The following MMRN1 variants were observed in gnomAD, a reference collection of about 807,000 sequenced individuals.
MMRN1 encodes multimerin-1.
A neutral mutation model predicts 100.7 loss-of-function variants in MMRN1; 94 were observed. The ratio of observed to expected loss-of-function variants is 0.93; its 90% CI spans 0.79 to 1.11. The LOEUF (loss-of-function observed/expected upper bound fraction) is 1.11, where lower values mean the gene tolerates loss of function less well. Among genes scored for constraint, MMRN1 ranks in the 50% least tolerant of loss-of-function variants. The pLI, the probability that MMRN1 is intolerant of heterozygous loss-of-function variation, is 0.00. For synonymous variants in MMRN1, 575 were observed against 505.0 expected, an observed-to-expected ratio of 1.14 and a Z score of -1.86; for missense variants, 1,606 against 1,439.1, an observed-to-expected ratio of 1.12 and a Z score of -1.88.
rs564711665 is a variant in MMRN1, at chr4:89,908,160, T to G, written c.624-1116T>G. ...GGAATCCATCCTTCTGTGATGCAGT[T>G]TGAAAATTGTTCCCAGGCACAAAAC... On this transcript the variant is annotated intron_variant, in intron 1 of 7. Coordinates refer to ENST00000264790, the MANE Select transcript of MMRN1 (RefSeq NM_007351.3). Among the ~76,000 whole-genome samples the G allele has an allele frequency of 4.8e-4, 73 of 151,470 alleles. 1 individual carries two copies. In the South Asian group the frequency reaches 0.015, roughly 31 times the overall value.
intron 1 of MMRN1, among the ~76,000 whole-genome samples, chr4:89,907,813 T>G (rs1161159250): frequency 2.0e-5 from 3 of 147,388 alleles, no homozygotes; most frequent in Admixed American, 1.4e-4. Flanking sequence ...AACTTCTATG[T>G]CATGCCTGTT....
chr4:89,919,829 T>C (rs1022334384), intron 3 of MMRN1, among the ~76,000 whole-genome samples: 13 of 152,154 alleles, frequency 8.5e-5, no homozygotes, highest in Non-Finnish European at 1.8e-4. Context: ...TTCTGGACCA[T>C]AATTATCAAA....
intron 1 of MMRN1, among the ~76,000 whole-genome samples, chr4:89,900,416 TCTTCCACTTGCAC>T (rs1017693215): frequency 2.0e-4 from 30 of 152,234 alleles, no homozygotes; most frequent in African/African-American, 7.2e-4. Flanking sequence ...GAAGGACTCC[TCTTCCACTTGCAC>T]CTCCAGCTTT....
At chr4:89,950,991 A>G (rs190908043) in intron 6 of MMRN1, among the ~76,000 whole-genome samples, 2 of 152,154 alleles carry the variant, frequency 1.3e-5, no homozygotes, top group Admixed American at 6.5e-5. Context: ...GGTGGTTTTC[A>G]ATGCAAATGA....
At chr4:89,881,432 T>C (rs990874022) in intron 1 of MMRN1, among the ~76,000 whole-genome samples, 4 of 152,102 alleles carry the variant, frequency 2.6e-5, no homozygotes, top group Admixed American at 6.6e-5. Context: ...GAATGTTGTA[T>C]GTACTTGTTT....
intron 1 of MMRN1, among the ~76,000 whole-genome samples, chr4:89,887,119 C>T (rs750974641): frequency 1.3e-4 from 20 of 152,050 alleles, no homozygotes; most frequent in Non-Finnish European, 2.9e-4. Flanking sequence ...TTTTTGAAGC[C>T]TTTGTCAAAA....
rs944405285 is a variant in MMRN1, at chr4:89,935,044, A to G, written c.1364A>G (p.Asp455Gly). ...CAAGAGAATCGGCCCACTTTGACTG[A>G]TATAGTGGAACTAAGGAATCACATT... ...LVQENRPTLTDIVELRNHIVN... is the reference protein window; with the variant it reads ...LVQENRPTLTGIVELRNHIVN... Residue 455 changes from aspartate (D) to glycine (G), a missense_variant, in exon 6 of 8, where the codon GAT becomes GGT. By Grantham distance (94) the Asp-to-Gly change is moderately conservative (BLOSUM62 -1). Coordinates refer to ENST00000264790, the MANE Select transcript of MMRN1 (RefSeq NM_007351.3). 6.2e-7 allele frequency: 1 copy of G among 1,613,680 alleles called. No individual in the cohort carries two copies. Among genetic ancestry groups the G allele is most frequent in the South Asian group, 1.1e-5 (1 of 91,022 alleles).
intron 1 of MMRN1, among the ~76,000 whole-genome samples, chr4:89,904,556 T>G (rs1721498981): frequency 6.6e-6 from 1 of 151,788 alleles, no homozygotes; most frequent in African/African-American, 2.4e-5. Flanking sequence ...TTTTGTGTCT[T>G]GTTTATTTCA....
chr4:89,907,769 GTTAA>G (rs1484632111), intron 1 of MMRN1, among the ~76,000 whole-genome samples: 2 of 148,322 alleles, frequency 1.3e-5, no homozygotes, highest in Non-Finnish European at 3.0e-5. Context: ...CTATTTAATG[GTTAA>G]TTGTTTTAAA....
intron 7 of MMRN1, 126 bp downstream of exon 7, chr4:89,951,877 T>C: frequency 9.2e-7 from 1 of 1,089,236 alleles, no homozygotes; most frequent in Non-Finnish European, 1.3e-6. Context: ...TCCTTTTACT[T>C]TTTCGAAACT....
chr4:89,899,447 A>G (rs904005541), intron 1 of MMRN1, among the ~76,000 whole-genome samples: 1 of 152,166 alleles, frequency 6.6e-6, no homozygotes, highest in African/African-American at 2.4e-5. Context: ...GTCCTGCCTT[A>G]TGGAACCAAC....
chr4:89,903,907 A>AAC (rs1721471723), intron 1 of MMRN1, among the ~76,000 whole-genome samples: 1 of 150,698 alleles, frequency 6.6e-6, no homozygotes, highest in Non-Finnish European at 1.5e-5. Flanking sequence ...GAAAAAAAAA[A>AAC]AAAAAACTCT....
chr4:89,905,668 T>C (rs982296174), intron 1 of MMRN1, among the ~76,000 whole-genome samples: 5 of 151,516 alleles, frequency 3.3e-5, no homozygotes, highest in African/African-American at 9.7e-5. Flanking sequence ...GTTTTCCTCT[T>C]GTTCCCTTTT....
At chr4:89,916,740 TAA>T (rs1017678180) in intron 3 of MMRN1, among the ~76,000 whole-genome samples, 1 of 151,686 alleles carries the variant, frequency 6.6e-6, no homozygotes, top group African/African-American at 2.4e-5. Flanking sequence ...TCACTGATTT[TAA>T]AGTTTTTTCT....
chr4:89,944,192 A>T (rs1386875297), intron 6 of MMRN1, among the ~76,000 whole-genome samples: 3 of 152,006 alleles, frequency 2.0e-5, no homozygotes, highest in African/African-American at 7.2e-5. Flanking sequence ...GTACATTTTA[A>T]TTTTTTTCTC....
chr4:89,903,741 T>C (rs1232203484), intron 1 of MMRN1, among the ~76,000 whole-genome samples: 2 of 151,784 alleles, frequency 1.3e-5, no homozygotes, highest in Non-Finnish European at 2.9e-5. Flanking sequence ...AAGTCATGGC[T>C]ATAAATTGTG....
intron 1 of MMRN1, among the ~76,000 whole-genome samples, chr4:89,899,334 G>A (rs1721308828): frequency 6.6e-6 from 1 of 151,974 alleles, no homozygotes; most frequent in Non-Finnish European, 1.5e-5. Flanking sequence ...AAGAAATTAG[G>A]ATTAGTGTAT....
At chr4:89,896,941 A>G (rs940932601) in intron 1 of MMRN1, among the ~76,000 whole-genome samples, 1 of 152,180 alleles carries the variant, frequency 6.6e-6, no homozygotes, top group African/African-American at 2.4e-5. Context: ...AGATTACAAT[A>G]TGTTCACTTT....
intron 1 of MMRN1, among the ~76,000 whole-genome samples, chr4:89,889,188 C>T (rs1356525602): frequency 2.0e-5 from 3 of 152,158 alleles, no homozygotes; most frequent in South Asian, 2.1e-4. Context: ...ACTTTGAGGA[C>T]GTGATAAGGA....
Sources: gnomAD v4.1 joint callset for allele counts (sites outside exome capture counted in the v4.1 genomes callset) on GRCh38, gnomAD v4.1.1 for gene constraint, MANE v1.5 for transcripts, NCBI Gene and HGNC (gene_info 2026-07-23, HGNC 2026-07-21) for gene names.